Variants in THSD4 observed in about 807,000 individuals in gnomAD.
The protein encoded by THSD4 is thrombospondin type-1 domain-containing protein 4.
Under a neutral mutation model 119.0 loss-of-function variants are expected in THSD4, and 69 were observed. That is an observed-to-expected ratio of 0.58 (90% confidence interval 0.48 to 0.71). The LOEUF is 0.71. Among genes scored for constraint, THSD4 ranks in the 30% least tolerant of loss-of-function variants. The pLI is 0.00. For missense variants in THSD4, 1,393 were observed against 1,391.1 expected (o/e 1.00, Z -0.02); for synonymous variants, 524 against 540.4 (o/e 0.97, Z 0.42).
chr15:71,561,899 CACACACACACACACACACACAA>C (rs199891579), intron 7 of THSD4, among the ~76,000 whole-genome samples: 53,823 of 144,366 alleles, frequency 0.37, 10,316 homozygotes, highest in South Asian at 0.43. Flanking sequence ...CACACACACA[CACACACACACACACACACACAA>C]ACACTCACTC....
At chr15:71,318,915 C>T (rs1222240254) in intron 6 of THSD4, among the ~76,000 whole-genome samples, 1 of 152,152 alleles carries the variant, frequency 6.6e-6, no homozygotes, top group Non-Finnish European at 1.5e-5. Flanking sequence ...GTACGATTCT[C>T]CTAGCTTGGG....
chr15:71,471,630 G>A (rs1388833819), intron 7 of THSD4, among the ~76,000 whole-genome samples: 1 of 151,582 alleles, frequency 6.6e-6, no homozygotes, highest in Non-Finnish European at 1.5e-5. Context: ...GCACTGCTCA[G>A]ACATGCCTGG....
chr15:71,126,050 C>T (rs1014127940), intron 1 of THSD4, among the ~76,000 whole-genome samples: 11 of 152,314 alleles, frequency 7.2e-5, no homozygotes, highest in Non-Finnish European at 1.3e-4. Context: ...GGTTTAGAAG[C>T]GAGTGGTCTT....
chr15:71,691,830 G>A (rs1460315593), intron 8 of THSD4, among the ~76,000 whole-genome samples: 1 of 152,136 alleles, frequency 6.6e-6, no homozygotes, highest in African/African-American at 2.4e-5. Flanking sequence ...GGCTCAGATG[G>A]ACTCCAGGCA....
intron 7 of THSD4, among the ~76,000 whole-genome samples, chr15:71,480,839 A>G (rs2047719698): frequency 6.6e-6 from 1 of 152,208 alleles, no homozygotes; most frequent in African/African-American, 2.4e-5. Context: ...GTGGATAGTA[A>G]AATATTTTCA....
intron 6 of THSD4, among the ~76,000 whole-genome samples, chr15:71,308,283 T>C (rs1419056446): frequency 2.0e-5 from 3 of 152,192 alleles, no homozygotes; most frequent in African/African-American, 4.8e-5. Context: ...TGAGTTAGCT[T>C]TTTCTTAACC....
intron 2 of THSD4, among the ~76,000 whole-genome samples, chr15:71,146,702 G>A (rs1263575071): frequency 6.6e-6 from 1 of 152,092 alleles, no homozygotes; most frequent in African/African-American, 2.4e-5. Context: ...GGGAAGAATC[G>A]GCCGCAGTCT....
chr15:71,151,828 T>C (rs997329206), intron 2 of THSD4, among the ~76,000 whole-genome samples: 5 of 152,210 alleles, frequency 3.3e-5, no homozygotes, highest in Admixed American at 2.6e-4. Flanking sequence ...AAGGAAGTTG[T>C]GTGTGATGGG....
At chr15:71,624,124 C>T (rs983420381) in intron 7 of THSD4, among the ~76,000 whole-genome samples, 6 of 152,126 alleles carry the variant, frequency 3.9e-5, no homozygotes, top group Non-Finnish European at 8.8e-5. Flanking sequence ...CAACAGATAA[C>T]TTAACATATC....
chr15:71,434,432 C>A (rs2046981229), intron 7 of THSD4, among the ~76,000 whole-genome samples: 1 of 103,400 alleles, frequency 9.7e-6, no homozygotes. Context: ...GGTCAGTGGT[C>A]CCTTTTTTTT....
intron 7 of THSD4, among the ~76,000 whole-genome samples, chr15:71,564,764 C>T (rs932977930): frequency 3.6e-4 from 15 of 41,718 alleles, no homozygotes; most frequent in African/African-American, 1.6e-3. Context: ...ACATATAATA[C>T]AATATATATT....
chr15:71,775,095 G>A (rs139994922), intron 17 of THSD4, among the ~76,000 whole-genome samples: 1,692 of 151,720 alleles, frequency 0.011, 35 homozygotes, highest in African/African-American at 0.04. Context: ...GCGGTGAGCC[G>A]ATATCATGCC....
intron 1 of THSD4, among the ~76,000 whole-genome samples, chr15:71,099,468 T>A (rs1442679485): frequency 6.6e-6 from 1 of 152,186 alleles, no homozygotes; most frequent in Non-Finnish European, 1.5e-5. Context: ...ATACATACAT[T>A]TAGGATTGCT....
At chr15:71,321,352 A>G (rs1329644104) in intron 6 of THSD4, among the ~76,000 whole-genome samples, 1 of 152,178 alleles carries the variant, frequency 6.6e-6, no homozygotes, top group Admixed American at 6.5e-5. Context: ...CCTGGCCAAC[A>G]TGGTAAAACC....
chr15:71,701,822 G>C (rs2052295104), intron 8 of THSD4, among the ~76,000 whole-genome samples: 1 of 152,130 alleles, frequency 6.6e-6, no homozygotes, highest in Admixed American at 6.5e-5. Context: ...AGTGAAGCGA[G>C]ATTGGGGCCA....
chr15:71,313,322 G>T (rs1424352689), intron 6 of THSD4, among the ~76,000 whole-genome samples: 1 of 152,224 alleles, frequency 6.6e-6, no homozygotes, highest in African/African-American at 2.4e-5. Context: ...GTGTGCATGT[G>T]TTCAGTATTT....
chr15:71,127,989 G>T (rs2040469630), intron 1 of THSD4, among the ~76,000 whole-genome samples: 1 of 152,108 alleles, frequency 6.6e-6, no homozygotes, highest in Non-Finnish European at 1.5e-5. Flanking sequence ...CCAGCGTCTT[G>T]TAGTATTTCT....
intron 6 of THSD4, among the ~76,000 whole-genome samples, chr15:71,286,849 CTG>C (rs1389145079): frequency 6.6e-6 from 1 of 152,158 alleles, no homozygotes; most frequent in Non-Finnish European, 1.5e-5. Flanking sequence ...GCCATTCTGA[CTG>C]GTGTGAGTTG....
chr15:71,643,969 A>G (rs139351106), intron 7 of THSD4, among the ~76,000 whole-genome samples: 11 of 152,228 alleles, frequency 7.2e-5, no homozygotes, highest in Non-Finnish European at 8.8e-5. Context: ...GTGGTTGAGT[A>G]TATATGATGT....
Sources: allele counts gnomAD v4.1 joint callset (sites outside exome capture counted in the v4.1 genomes callset), GRCh38; gene constraint gnomAD v4.1.1; transcripts MANE v1.5; gene names NCBI Gene and HGNC (gene_info 2026-07-23, HGNC 2026-07-21).